NEDD4: variants seen among roughly 807,000 people sequenced by gnomAD.
NEDD4 encodes the protein E3 ubiquitin-protein ligase NEDD4.
A neutral mutation model predicts 144.9 loss-of-function variants in NEDD4; 99 were observed. That is an observed-to-expected ratio of 0.68 (90% CI 0.58 to 0.81). The LOEUF is 0.81. NEDD4 is among the 30% of genes least tolerant of loss of function. The probability of loss-of-function intolerance (pLI) is 0.00; values close to 1 mark genes in which losing one functional copy is unlikely to be tolerated. For missense variants in NEDD4, 985 were observed against 1,065.9 expected (o/e 0.92, Z 1.06); for synonymous variants, 318 against 350.6 (o/e 0.91, Z 1.04).
At chr15:55,911,073 T>C (rs1380532259) in intron 5 of NEDD4, among the ~76,000 whole-genome samples, 3 of 123,538 alleles carry the variant, frequency 2.4e-5, no homozygotes, top group Admixed American at 1.8e-4. Flanking sequence ...CACTGGACTA[T>C]TTACAGTGGA....
chr15:55,880,375 G>A (rs1454093772), intron 5 of NEDD4, among the ~76,000 whole-genome samples: 2 of 152,120 alleles, frequency 1.3e-5, no homozygotes, highest in Non-Finnish European at 2.9e-5. Context: ...GCACATCACC[G>A]TGACATTTCA....
At chr15:55,910,764 C>A (rs1406944567) in intron 5 of NEDD4, among the ~76,000 whole-genome samples, 1 of 152,178 alleles carries the variant, frequency 6.6e-6, no homozygotes, top group Non-Finnish European at 1.5e-5. Flanking sequence ...CCCTCCCAAT[C>A]TGGCCCCTCT....
intron 5 of NEDD4, among the ~76,000 whole-genome samples, chr15:55,905,732 C>A (rs1351620275): frequency 2.0e-5 from 3 of 151,550 alleles, no homozygotes; most frequent in South Asian, 2.1e-4. Flanking sequence ...TTGTTTTTTT[C>A]TTGTAAATTT....
intron 7 of NEDD4, among the ~76,000 whole-genome samples, chr15:55,870,716 G>A (rs189147216): frequency 4.7e-4 from 71 of 151,706 alleles, no homozygotes; most frequent in Middle Eastern, 3.4e-3. Flanking sequence ...GTATTTTTTT[G>A]TAGAGACAGG....
At chr15:55,909,448 G>C (rs749898040) in intron 5 of NEDD4, among the ~76,000 whole-genome samples, 1 of 152,146 alleles carries the variant, frequency 6.6e-6, no homozygotes, top group Non-Finnish European at 1.5e-5. Flanking sequence ...TCTGACCATG[G>C]TCTCCCAATT....
At chr15:55,923,747 T>A (rs1040398063) in intron 5 of NEDD4, among the ~76,000 whole-genome samples, 1 of 151,910 alleles carries the variant, frequency 6.6e-6, no homozygotes, top group Admixed American at 6.6e-5. Context: ...AAAGATTTCA[T>A]TGGCAATATC....
chr15:55,985,041 T>C (rs1226817033), intron 1 of NEDD4, among the ~76,000 whole-genome samples: 3 of 152,202 alleles, frequency 2.0e-5, no homozygotes, highest in Non-Finnish European at 4.4e-5. Flanking sequence ...AATATCCTGC[T>C]CTGACTGATG....
At chr15:55,974,380 AAATAGAGGAGGAGG>A (rs1186585104) in intron 1 of NEDD4, among the ~76,000 whole-genome samples, 1 of 152,190 alleles carries the variant, frequency 6.6e-6, no homozygotes, top group African/African-American at 2.4e-5. Context: ...CTATTTCAAA[AAATAGAGGAGGAGG>A]AATACTTTCC....
intron 5 of NEDD4, among the ~76,000 whole-genome samples, chr15:55,892,551 A>G (rs948661797): frequency 2.4e-4 from 37 of 152,172 alleles, no homozygotes; most frequent in African/African-American, 8.4e-4. Context: ...TTTAGCTATC[A>G]GCACTTTTCT....
chr15:55,845,206 T>A (rs1388258937), intron 18 of NEDD4, among the ~76,000 whole-genome samples: 1 of 152,212 alleles, frequency 6.6e-6, no homozygotes, highest in African/African-American at 2.4e-5. Context: ...TCCCCTTACA[T>A]ACCTTTGTTG....
intron 9 of NEDD4, among the ~76,000 whole-genome samples, chr15:55,862,476 T>C (rs1337989210): frequency 6.6e-6 from 1 of 152,172 alleles, no homozygotes; most frequent in African/African-American, 2.4e-5. Context: ...GACTGTCAAA[T>C]GCGCGTTTAA....
intron 5 of NEDD4, among the ~76,000 whole-genome samples, chr15:55,895,111 G>GGAA (rs1566937548): frequency 3.9e-5 from 6 of 152,172 alleles, no homozygotes; most frequent in South Asian, 4.1e-4. Context: ...AATACTCACA[G>GGAA]CTAGGTAACT....
intron 2 of NEDD4, among the ~76,000 whole-genome samples, chr15:55,963,880 A>G (rs1358191105): frequency 1.3e-5 from 2 of 152,050 alleles, no homozygotes; most frequent in African/African-American, 2.4e-5. Flanking sequence ...TCCTTAAAGG[A>G]TATTTTCACT....
At chr15:55,860,632 T>C (rs1329033278) in intron 10 of NEDD4, 29 bp downstream of exon 10, 1 of 1,613,658 alleles carries the variant, frequency 6.2e-7, no homozygotes, top group Non-Finnish European at 8.5e-7. Context: ...GCATGTGTCT[T>C]TCAAGGAGAA....
chr15:55,943,954 A>G (rs1317162364), intron 4 of NEDD4, among the ~76,000 whole-genome samples: 2 of 152,236 alleles, frequency 1.3e-5, no homozygotes, highest in African/African-American at 4.8e-5. Flanking sequence ...CCCTTGCATC[A>G]GTGTGGCCTG....
chr15:55,848,835 C>G lies in NEDD4; in HGVS notation c.1399G>C (p.Asp467His), dbSNP rs997125933. 1.2e-6 allele frequency: 2 copies of G among 1,613,756 alleles called. No homozygotes were observed. Among genetic ancestry groups the G allele is most frequent in the Admixed American group, 3.3e-5 (2 of 60,002 alleles). ...AAAGGCCCTAGATCATTGGAAGTAT[C>G]AAGTGATGTCTTTCCTCTCAGATGG... ...PAHLRGKTSL[D>H]TSNDLGPLPP... Residue 467 changes from aspartate to histidine, a missense_variant, in exon 15 of 29, where the codon GAT (aspartate) becomes CAT (histidine). Asp to His is a moderately conservative substitution (Grantham distance 81). Coordinates refer to ENST00000435532, the MANE Select transcript of NEDD4 (RefSeq NM_006154.4).
intron 1 of NEDD4, chr15:55,987,756 C>A (rs1163431141): frequency 1.4e-5 from 1 of 72,608 alleles, no homozygotes; most frequent in African/African-American, 5.9e-5. Flanking sequence ...TTGTTTTTCT[C>A]AGGTTTGTCA....
At chr15:55,922,551 C>CA (rs770129583) in intron 5 of NEDD4, among the ~76,000 whole-genome samples, 1 of 152,092 alleles carries the variant, frequency 6.6e-6, no homozygotes, top group Non-Finnish European at 1.5e-5. Context: ...TTATTACAGA[C>CA]AGAGTTTCAC....
chr15:55,887,537 C>T (rs1237490786), intron 5 of NEDD4, among the ~76,000 whole-genome samples: 2 of 152,150 alleles, frequency 1.3e-5, no homozygotes, highest in African/African-American at 4.8e-5. Context: ...AATGGCTTCA[C>T]TGATGAATTT....
Sources: allele counts gnomAD v4.1 joint callset (sites outside exome capture counted in the v4.1 genomes callset), GRCh38; gene constraint gnomAD v4.1.1; transcripts MANE v1.5; gene names NCBI Gene and HGNC (gene_info 2026-07-23, HGNC 2026-07-21).